SGIP1: variants seen among roughly 807,000 people sequenced by gnomAD.
SGIP1 encodes the protein SH3GL interacting endocytic adaptor 1.
In SGIP1, 38 loss-of-function variants were observed where a neutral mutation model predicts 107.5. That is an observed-to-expected ratio of 0.35 (90% CI 0.27 to 0.46). The LOEUF is 0.46. SGIP1 is among the 20% of genes least tolerant of loss of function. The pLI is 1.00. For synonymous variants in SGIP1, 365 were observed against 366.1 expected (o/e 1.00, Z 0.03); for missense variants, 929 against 1,019.5 (o/e 0.91, Z 1.21).
At chr1:66,715,505 G>C (rs903119913) in intron 18 of SGIP1, among the ~76,000 whole-genome samples, 1 of 152,048 alleles carries the variant, frequency 6.6e-6, no homozygotes, top group Non-Finnish European at 1.5e-5. Context: ...AAGGAGAAAT[G>C]GGTCTTGATC....
intron 14 of SGIP1, 109 bp from the exon 15 acceptor site, chr1:66,681,760 A>G (rs2086757698): frequency 8.7e-7 from 1 of 1,143,474 alleles, no homozygotes. Flanking sequence ...AAGTATGCCC[A>G]CTGAGGCACC....
chr1:66,588,970 C>A (rs537604647), intron 1 of SGIP1, among the ~76,000 whole-genome samples: 119 of 149,176 alleles, frequency 8.0e-4, no homozygotes, highest in South Asian at 2.1e-3. Flanking sequence ...AAAAAAAATT[C>A]TCTACTGAGC....
intron 17 of SGIP1, among the ~76,000 whole-genome samples, chr1:66,692,076 T>C (rs2089976437): frequency 6.6e-6 from 1 of 151,298 alleles, no homozygotes; most frequent in Non-Finnish European, 1.5e-5. Context: ...GGAGAATCCC[T>C]TGAACTCGGG....
intron 15 of SGIP1, among the ~76,000 whole-genome samples, chr1:66,687,805 G>A (rs2088800960): frequency 6.6e-6 from 1 of 152,210 alleles, no homozygotes; most frequent in Admixed American, 6.5e-5. Context: ...ACAGATGGTA[G>A]TGGTAGAGGA....
At chr1:66,681,121 T>C (rs888560325) in intron 14 of SGIP1, among the ~76,000 whole-genome samples, 18 of 152,224 alleles carry the variant, frequency 1.2e-4, no homozygotes, top group Admixed American at 6.5e-4. Flanking sequence ...AATTTTTAAA[T>C]TATTTTCTTC....
intron 15 of SGIP1, 122 bp downstream of exon 15, chr1:66,682,491 C>T (rs1361488918): frequency 8.3e-7 from 1 of 1,209,992 alleles, no homozygotes; most frequent in African/African-American, 1.5e-5. Flanking sequence ...CTCCTCTAGT[C>T]TGGGTGTCCT....
intron 1 of SGIP1, among the ~76,000 whole-genome samples, chr1:66,584,770 C>G (rs1026967410): frequency 2.0e-5 from 3 of 152,118 alleles, no homozygotes; most frequent in African/African-American, 7.2e-5. Context: ...AAACCTTCTT[C>G]CCTGTAGCCA....
chr1:66,669,230 T>G (rs986372537), intron 9 of SGIP1, among the ~76,000 whole-genome samples: 1 of 152,230 alleles, frequency 6.6e-6, no homozygotes, highest in Non-Finnish European at 1.5e-5. Context: ...GGCTTCTTCT[T>G]TAGTGCCTTT....
intron 2 of SGIP1, chr1:66,626,119 T>C (rs1057068263): frequency 3.7e-5 from 11 of 299,622 alleles, no homozygotes; most frequent in African/African-American, 4.5e-5. Context: ...TCAGTTTTTA[T>C]CACATTTTTC....
At chr1:66,598,662 A>T (rs752867661) in intron 1 of SGIP1, among the ~76,000 whole-genome samples, 13 of 152,154 alleles carry the variant, frequency 8.5e-5, no homozygotes, top group Non-Finnish European at 1.3e-4. Flanking sequence ...GCCAAGCAGG[A>T]GGAAGAAAGG....
At chr1:66,653,450 A>G (rs566090419) in intron 7 of SGIP1, among the ~76,000 whole-genome samples, 7 of 152,162 alleles carry the variant, frequency 4.6e-5, no homozygotes, top group Admixed American at 3.3e-4. Flanking sequence ...CTTTGTCATG[A>G]TTTCTCCAAT....
intron 19 of SGIP1, among the ~76,000 whole-genome samples, chr1:66,727,237 C>A (rs925089463): frequency 1.3e-5 from 2 of 152,144 alleles, no homozygotes; most frequent in African/African-American, 4.8e-5. Context: ...GAACAAACAA[C>A]CCTATTTAAA....
intron 1 of SGIP1, among the ~76,000 whole-genome samples, chr1:66,585,561 C>A (rs1284870457): frequency 8.4e-6 from 1 of 118,902 alleles, no homozygotes; most frequent in Admixed American, 8.1e-5. Context: ...TTAAAAAGAG[C>A]TTTGGAGTTT....
intron 7 of SGIP1, among the ~76,000 whole-genome samples, chr1:66,644,406 A>G (rs1281471055): frequency 1.3e-5 from 2 of 151,872 alleles, no homozygotes; most frequent in Non-Finnish European, 2.9e-5. Flanking sequence ...ATTCCCAGCT[A>G]CTAAGTTTCT....
At chr1:66,742,620 C>T (rs2094492340) in intron 24 of SGIP1, among the ~76,000 whole-genome samples, 1 of 150,188 alleles carries the variant, frequency 6.7e-6, no homozygotes, top group Non-Finnish European at 1.5e-5. Flanking sequence ...CAGGCGCCCA[C>T]CACCACGCCC....
At chr1:66,642,702 TA>T (rs2077001020) in intron 5 of SGIP1, 107 bp from the exon 6 acceptor site, 1 of 917,206 alleles carries the variant, frequency 1.1e-6, no homozygotes, top group Non-Finnish European at 1.6e-6. Flanking sequence ...CTTCATCTCC[TA>T]AAAGAAAAGA....
intron 18 of SGIP1, among the ~76,000 whole-genome samples, chr1:66,698,629 C>T (rs1352423861): frequency 3.3e-5 from 5 of 152,080 alleles, no homozygotes; most frequent in African/African-American, 1.2e-4. Context: ...CCACCCGCCT[C>T]GGCCTCCCAA....
chr1:66,568,349 A>AT (rs1402157617), intron 1 of SGIP1, among the ~76,000 whole-genome samples: 7 of 102,524 alleles, frequency 6.8e-5, no homozygotes, highest in South Asian at 5.7e-4. Flanking sequence ...TTGCACATTG[A>AT]TTTTTTGTCC....
At chr1:66,672,543 A>T (rs1433040338) in intron 11 of SGIP1, among the ~76,000 whole-genome samples, 2 of 152,154 alleles carry the variant, frequency 1.3e-5, no homozygotes, top group African/African-American at 2.4e-5. Context: ...ATCCTCCTCC[A>T]ACCTCTCCCC....
Sources: gnomAD v4.1 joint callset for allele counts (sites outside exome capture counted in the v4.1 genomes callset) on GRCh38, gnomAD v4.1.1 for gene constraint, MANE v1.5 for transcripts, NCBI Gene and HGNC (gene_info 2026-07-23, HGNC 2026-07-21) for gene names.